The following ELF2 variants were observed in gnomAD, a reference collection of about 807,000 sequenced individuals.
The protein encoded by ELF2 is ETS-related transcription factor Elf-2.
Under a neutral mutation model 54.8 loss-of-function variants are expected in ELF2, and 11 were observed. The observed-to-expected ratio is 0.20, with a 90% CI of 0.13 to 0.33. ELF2 has a LOEUF of 0.33. Among genes scored for constraint, ELF2 ranks in the 10% least tolerant of loss-of-function variants. The pLI, the probability that ELF2 is intolerant of heterozygous loss-of-function variation, is 1.00. For synonymous variants in ELF2, 203 were observed against 245.1 expected (o/e 0.83, Z 1.61); for missense variants, 513 against 703.0 (o/e 0.73, Z 3.06).
rs1238084161 is a variant in ELF2 at position 139,057,520 on chromosome 4, C to T, written c.*1463G>A. 6.6e-6 allele frequency: 1 copy of T among 152,138 alleles called. No individual in the cohort carries two copies. Among genetic ancestry groups the T allele is most frequent in the Non-Finnish European group, 1.5e-5 (1 of 68,020 alleles). 9.4% of individuals were successfully genotyped at this position (152,138 alleles called of 1,614,324 possible). A position where few individuals can be genotyped will look rare whatever the true frequency, so the allele number is the denominator to read the frequency against. The stretch of plus-strand genomic sequence containing the variant: ...TGTAATCCTTCAGATACCTTAACTT[C>T]CTAATCTGTAAAAGGGCTAGAAGAG... On this transcript the variant is annotated 3_prime_UTR_variant, in exon 10 of 10. Coordinates refer to ENST00000686138, the MANE Select transcript of ELF2 (RefSeq NM_001331036.3).
chr4:139,116,708 C>A, intron 4 of ELF2: 1 of 985,400 alleles, frequency 1.0e-6, no homozygotes, highest in Non-Finnish European at 1.2e-6. Flanking sequence ...AGGATAGGGG[C>A]TCGTTTTCAG....
At chr4:139,148,963 T>G (rs1240981032) in intron 1 of ELF2, among the ~76,000 whole-genome samples, 3 of 152,222 alleles carry the variant, frequency 2.0e-5, no homozygotes, top group Non-Finnish European at 2.9e-5. Context: ...ACAAATGTCT[T>G]CATAAAATTC....
chr4:139,134,489 T>C lies in ELF2; in HGVS notation c.72+3141A>G, dbSNP rs537416278. On this transcript the variant is annotated intron_variant, in intron 3 of 9. Coordinates refer to ENST00000686138, the MANE Select transcript of ELF2 (RefSeq NM_001331036.3). ...CTCCCACTTCAGCCTCCCAAGTACCTGGGACTCCAGGTGCATGCTACCATG... is the reference window on the plus strand; with the variant it reads ...CTCCCACTTCAGCCTCCCAAGTACCCGGGACTCCAGGTGCATGCTACCATG... Among the ~76,000 whole-genome samples the C allele has an allele frequency of 2.0e-5, 3 of 151,678 alleles. No individual in the cohort carries two copies. In the East Asian group the frequency reaches 5.8e-4, roughly 29 times the overall value.
At chr4:139,141,505 CAA>C (rs1478306343) in intron 1 of ELF2, among the ~76,000 whole-genome samples, 3 of 152,140 alleles carry the variant, frequency 2.0e-5, no homozygotes, top group Non-Finnish European at 4.4e-5. Context: ...GTTGTACAGT[CAA>C]GAGAGGAAAG....
chr4:139,171,742 G>A (rs897803868), intron 1 of ELF2, among the ~76,000 whole-genome samples: 1 of 152,104 alleles, frequency 6.6e-6, no homozygotes, highest in Non-Finnish European at 1.5e-5. Context: ...GGGCAACATG[G>A]TGAAACCCCG....
At chr4:139,143,133 T>C (rs140359920) in intron 1 of ELF2, among the ~76,000 whole-genome samples, 1 of 152,268 alleles carries the variant, frequency 6.6e-6, no homozygotes, top group East Asian at 1.9e-4. Flanking sequence ...GCTTGAACAA[T>C]AAACTGTGGT....
chr4:139,109,817 A>AGGAG (rs761648949), intron 4 of ELF2, among the ~76,000 whole-genome samples: 57 of 152,288 alleles, frequency 3.7e-4, no homozygotes, highest in Middle Eastern at 3.4e-3. Flanking sequence ...GGATTCCAAA[A>AGGAG]GGAGGGAGGG....
chr4:139,135,240 T>C (rs1738016281), intron 3 of ELF2, among the ~76,000 whole-genome samples: 1 of 44,532 alleles, frequency 2.2e-5, no homozygotes, highest in South Asian at 1.3e-3. Context: ...TATATATATG[T>C]GTGTGTGTGT....
At chr4:139,160,554 G>GC (rs1402554967) in intron 1 of ELF2, among the ~76,000 whole-genome samples, 1 of 152,098 alleles carries the variant, frequency 6.6e-6, no homozygotes, top group African/African-American at 2.4e-5. Flanking sequence ...CAACCCCACA[G>GC]CAACTTTTAG....
chr4:139,153,803 T>C (rs1286432808), intron 1 of ELF2, among the ~76,000 whole-genome samples: 1 of 152,208 alleles, frequency 6.6e-6, no homozygotes, highest in Non-Finnish European at 1.5e-5. Context: ...GATTCCTCTG[T>C]TTACTTTATC....
chr4:139,122,699 C>T (rs546786784), intron 4 of ELF2, among the ~76,000 whole-genome samples: 32 of 151,856 alleles, frequency 2.1e-4, no homozygotes, highest in South Asian at 4.2e-4. Flanking sequence ...GATGGGATTT[C>T]GCCGTGTTAG....
intron 4 of ELF2, among the ~76,000 whole-genome samples, chr4:139,077,614 C>T (rs1394961566): frequency 6.6e-6 from 1 of 151,988 alleles, no homozygotes; most frequent in Admixed American, 6.6e-5. Context: ...TAACTTTTAA[C>T]AGAAATTTAA....
At chr4:139,076,630 C>A (rs1040274469) in intron 4 of ELF2, among the ~76,000 whole-genome samples, 1 of 151,994 alleles carries the variant, frequency 6.6e-6, no homozygotes, top group African/African-American at 2.4e-5. Context: ...ATCAGAGCTT[C>A]AAGTATTCAA....
At chr4:139,062,570 C>G (rs1578659475) in intron 7 of ELF2, among the ~76,000 whole-genome samples, 1 of 152,228 alleles carries the variant, frequency 6.6e-6, no homozygotes, top group Non-Finnish European at 1.5e-5. Flanking sequence ...TCACACTATC[C>G]TAGATTTTGA....
chr4:139,147,507 T>C lies in ELF2; in HGVS notation c.-251-8010A>G, dbSNP rs148714742. On this transcript the variant is annotated intron_variant, in intron 1 of 9. Coordinates refer to ENST00000686138, the MANE Select transcript of ELF2 (RefSeq NM_001331036.3). Reference sequence around the variant, plus strand: ...TTTTTGTTAAGACAGTGTCTCACTCTGTCGCCTAGGCTGGAGAGCAGTGGC... The same window carrying C: ...TTTTTGTTAAGACAGTGTCTCACTCCGTCGCCTAGGCTGGAGAGCAGTGGC... 1.7e-3 allele frequency among the ~76,000 whole-genome samples: 256 copies of C among 152,344 alleles called. 1 individual carries two copies. In the South Asian group the frequency reaches 0.021, roughly 12 times the overall value.
intron 4 of ELF2, among the ~76,000 whole-genome samples, chr4:139,102,700 G>C (rs1268277156): frequency 6.6e-6 from 1 of 151,312 alleles, no homozygotes; most frequent in African/African-American, 2.4e-5. Flanking sequence ...AATTAGCCAG[G>C]CGTGGTGGCG....
intron 4 of ELF2, among the ~76,000 whole-genome samples, chr4:139,088,861 CGAGT>C (rs1426108410): frequency 7.9e-5 from 12 of 152,072 alleles, no homozygotes; most frequent in African/African-American, 2.9e-4. Context: ...CAGGTTCAAG[CGAGT>C]CTCCTACCTC....
intron 1 of ELF2, among the ~76,000 whole-genome samples, chr4:139,145,760 T>C (rs148196827): frequency 2.0e-5 from 3 of 152,246 alleles, no homozygotes; most frequent in African/African-American, 7.2e-5. Context: ...AAATGTGATA[T>C]ATCACATAAA....
Position 139,067,690 on chromosome 4 carries a change from C to T in ELF2, c.607G>A (p.Gly203Arg). The change falls in exon 7 of 10, where the codon GGA (glycine) becomes AGA (arginine). Residue 203 changes from glycine (G) to arginine (R), a missense_variant. Coordinates refer to ENST00000686138, the MANE Select transcript of ELF2 (RefSeq NM_001331036.3). Reference protein sequence around the residue: ...ELGIKKKPREGKGNTTYLWEF... With the variant: ...ELGIKKKPRERKGNTTYLWEF... ...GCAACCCTCCCCAAATTACCTTTTC[C>T]TTCTCTTGGTTTCTTCTTTATACCT... is the stretch of plus-strand genomic sequence containing the variant. The T allele has an allele frequency of 6.2e-7, 1 of 1,611,622 alleles. No individual in the cohort carries two copies.
Sources: allele counts gnomAD v4.1 joint callset (sites outside exome capture counted in the v4.1 genomes callset), GRCh38; gene constraint gnomAD v4.1.1; transcripts MANE v1.5; gene names NCBI Gene and HGNC (gene_info 2026-07-23, HGNC 2026-07-21).